KLF8: variants seen among roughly 807,000 people sequenced by gnomAD.
The protein encoded by KLF8 is KLF transcription factor 8.
In KLF8, 10 loss-of-function variants were observed where a neutral mutation model predicts 18.2. The observed-to-expected ratio is 0.55, with a 90% CI of 0.34 to 0.93. The LOEUF (loss-of-function observed/expected upper bound fraction) is 0.93, where lower values mean the gene tolerates loss of function less well. Among genes scored for constraint, KLF8 ranks in the 40% least tolerant of loss-of-function variants. KLF8 has a pLI of 0.02. For missense variants in KLF8, 264 were observed against 277.9 expected (o/e 0.95, Z 0.36); for synonymous variants, 109 against 97.3 (o/e 1.12, Z -0.71).
the KLF8 span, among the ~76,000 whole-genome samples, chrX:55,958,401 A>G: frequency 8.9e-6 from 1 of 112,111 alleles, no homozygotes; most frequent in Non-Finnish European, 1.9e-5. Flanking sequence ...AAGAGGTTTT[A>G]TACCTTTAAT....
the KLF8 span, among the ~76,000 whole-genome samples, chrX:56,188,143 A>C: frequency 9.0e-6 from 1 of 111,261 alleles, no homozygotes; most frequent in East Asian, 2.8e-4. Context: ...TCAGCCCAAA[A>C]TCTCCTTAAG....
At chrX:56,172,599 AT>A in the KLF8 span, among the ~76,000 whole-genome samples, 3 of 112,007 alleles carry the variant, frequency 2.7e-5, no homozygotes, top group Non-Finnish European at 5.6e-5. Flanking sequence ...AGCATGATTT[AT>A]AAGCCTTTCG....
the KLF8 span, among the ~76,000 whole-genome samples, chrX:55,989,597 C>T: frequency 4.3e-4 from 48 of 111,893 alleles, no homozygotes; most frequent in African/African-American, 1.3e-3. Context: ...CTGCTGCATT[C>T]GGTTTGTCAG....
the KLF8 span, among the ~76,000 whole-genome samples, chrX:55,963,401 G>C: frequency 9.0e-6 from 1 of 111,079 alleles, no homozygotes; most frequent in African/African-American, 3.3e-5. Context: ...GGTGGCACAG[G>C]GCAGTACCAG....
chrX:56,192,005 G>C, the KLF8 span, among the ~76,000 whole-genome samples: 1 of 111,267 alleles, frequency 9.0e-6, no homozygotes. Context: ...GAAATAAAGG[G>C]CATACAAATC....
In KLF8 at chrX:56,233,176, TG is replaced by T. The variant is rs1315645639; in HGVS notation, c.-154del. The T allele has an allele frequency of 3.1e-5, 18 of 583,130 alleles. No homozygotes were observed. Among genetic ancestry groups the T allele is most frequent in the Non-Finnish European group, 4.2e-5 (15 of 357,788 alleles). The allele number at this position is 583,130 out of a possible 1,213,427, so 48.1% of individuals were successfully genotyped here. A position where few individuals can be genotyped will look rare whatever the true frequency, so the allele number is the denominator to read the frequency against. ...TTTCCAGCCCGGAGAAATAGGGGAG[TG>T]GGGGCCCAAGAACGAGAAGACGAGA... On this transcript the variant is annotated 5_prime_UTR_variant, in exon 1 of 6. Transcript: ENST00000468660.
chrX:56,053,837 G>A, the KLF8 span, among the ~76,000 whole-genome samples: 3 of 110,278 alleles, frequency 2.7e-5, no homozygotes, highest in Admixed American at 9.7e-5. Flanking sequence ...TATTTCTGTA[G>A]GGTTTGTGGT....
the KLF8 span, among the ~76,000 whole-genome samples, chrX:56,013,574 C>G: frequency 9.2e-4 from 102 of 111,409 alleles, no homozygotes; most frequent in African/African-American, 3.2e-3. Flanking sequence ...TTCCATAATC[C>G]CCATGTGTCT....
chrX:55,986,051 G>A, the KLF8 span, among the ~76,000 whole-genome samples: 2 of 111,358 alleles, frequency 1.8e-5, no homozygotes, highest in African/African-American at 6.5e-5. Flanking sequence ...GAGATGATGC[G>A]GTTTTCTAGA....
chrX:56,104,355 G>C, the KLF8 span, among the ~76,000 whole-genome samples: 3 of 110,945 alleles, frequency 2.7e-5, no homozygotes, highest in Non-Finnish European at 5.7e-5. Flanking sequence ...GACTTTTTTT[G>C]GTTGGTAAGC....
chrX:56,181,136 C>A, the KLF8 span, among the ~76,000 whole-genome samples: 1 of 111,598 alleles, frequency 9.0e-6, no homozygotes. Context: ...CTTCATGAAT[C>A]TTGGTGCCTC....
the KLF8 span, among the ~76,000 whole-genome samples, chrX:55,959,638 C>T: frequency 9.0e-5 from 10 of 111,225 alleles, no homozygotes; most frequent in Admixed American, 1.9e-4. Context: ...TAGACCAAGC[C>T]GAGGAAAAAA....
the KLF8 span, among the ~76,000 whole-genome samples, chrX:56,096,537 A>AAGC: frequency 8.9e-6 from 1 of 111,872 alleles, no homozygotes; most frequent in Non-Finnish European, 1.9e-5. Context: ...GATGCAACAA[A>AAGC]AGCAGGGATT....
At chrX:56,193,766 G>A in the KLF8 span, among the ~76,000 whole-genome samples, 1 of 111,302 alleles carries the variant, frequency 9.0e-6, no homozygotes, top group Non-Finnish European at 1.9e-5. Context: ...ACTAAAAATT[G>A]AAGCAGTTGA....
chrX:55,912,506 A>T, the KLF8 span, among the ~76,000 whole-genome samples: 19,515 of 110,704 alleles, frequency 0.18, 3,508 homozygotes, highest in African/African-American at 0.55. Flanking sequence ...TCAGCACTCA[A>T]GTTTCATGCA....
At chrX:55,980,280 T>C in the KLF8 span, among the ~76,000 whole-genome samples, 1 of 112,181 alleles carries the variant, frequency 8.9e-6, no homozygotes, top group African/African-American at 3.2e-5. Flanking sequence ...TGAGTGCTTG[T>C]TGTGAGTCAC....
chrX:56,157,927 G>A, the KLF8 span, among the ~76,000 whole-genome samples: 1 of 111,790 alleles, frequency 8.9e-6, no homozygotes, highest in South Asian at 3.7e-4. Flanking sequence ...GTCTTTTGTT[G>A]CCATTGCTTT....
the KLF8 span, among the ~76,000 whole-genome samples, chrX:56,068,627 G>T: frequency 6.3e-5 from 7 of 111,357 alleles, no homozygotes; most frequent in Non-Finnish European, 1.3e-4. Flanking sequence ...CTTCGTTTCT[G>T]TGTAAACTCA....
chrX:55,997,944 T>C, the KLF8 span, among the ~76,000 whole-genome samples: 6 of 111,177 alleles, frequency 5.4e-5, no homozygotes, highest in Admixed American at 9.5e-5. Context: ...TTAGTATTTA[T>C]TGATCATTCG....
Sources: allele counts gnomAD v4.1 joint callset (sites outside exome capture counted in the v4.1 genomes callset), GRCh38; gene constraint gnomAD v4.1.1; transcripts MANE v1.5; gene names NCBI Gene and HGNC (gene_info 2026-07-23, HGNC 2026-07-21).